The following SYNE2 variants were observed in gnomAD, a reference collection of about 807,000 sequenced individuals.
SYNE2 encodes spectrin repeat containing nuclear envelope protein 2.
In SYNE2, 431 loss-of-function variants were observed where a neutral mutation model predicts 856.3. The ratio of observed to expected loss-of-function variants is 0.50; its 90% CI spans 0.47 to 0.55. The LOEUF is 0.55. Ranked by LOEUF, SYNE2 falls within the 20% of genes least tolerant of loss-of-function variation. SYNE2 has a pLI of 0.00. For missense variants in SYNE2, 8,129 were observed against 8,023.2 expected, an observed-to-expected ratio of 1.01 and a Z score of -0.50; for synonymous variants, 2,923 against 2,872.3, an observed-to-expected ratio of 1.02 and a Z score of -0.56.
chr14:64,223,438 A>C, intron 113 of SYNE2, 58 bp downstream of exon 113: 1 of 1,593,564 alleles, frequency 6.3e-7, no homozygotes, highest in Non-Finnish European at 8.6e-7. Context: ...CAGACAGGAC[A>C]GCAGTGTTGT....
upstream of SYNE2, among the ~76,000 whole-genome samples, chr14:63,851,217 C>T (rs1890424166): frequency 6.6e-6 from 1 of 152,016 alleles, no homozygotes; most frequent in Admixed American, 6.6e-5. Flanking sequence ...AAAAATTAGC[C>T]AGGCATGGTG....
At chr14:63,960,163 A>G (rs2096291912) in intron 8 of SYNE2, among the ~76,000 whole-genome samples, 1 of 152,226 alleles carries the variant, frequency 6.6e-6, no homozygotes, top group South Asian at 2.1e-4. Flanking sequence ...CTTGGTGCTT[A>G]TATCTTTTTC....
chr14:64,167,110 G>A, intron 90 of SYNE2, 123 bp from the exon 91 acceptor site: 3 of 1,220,944 alleles, frequency 2.5e-6, no homozygotes, highest in South Asian at 1.3e-5. Flanking sequence ...CTGTTTGACT[G>A]TGGGCAAGTC....
intron 16 of SYNE2, among the ~76,000 whole-genome samples, chr14:63,982,111 T>C (rs544103655): frequency 4.6e-5 from 7 of 152,268 alleles, no homozygotes; most frequent in African/African-American, 1.4e-4. Flanking sequence ...CACAACAACA[T>C]CCATCTGTTG....
At position 63,927,061 on chromosome 14, in the gene SYNE2, G is replaced by A. The variant is rs546152528; in HGVS notation, c.80-13553G>A. 2.4e-4 allele frequency among the ~76,000 whole-genome samples: 36 copies of A among 152,326 alleles called. 1 individual carries two copies. The East Asian group carries it at 5.8e-3, about 24-fold the overall frequency. ...CCAGGGGTGTAGGAGAGAGTAAGATGCCTGAGGCTAGAGAGGTGCTCTGGG... is the reference window on the plus strand; with the variant it reads ...CCAGGGGTGTAGGAGAGAGTAAGATACCTGAGGCTAGAGAGGTGCTCTGGG... On this transcript the variant is annotated intron_variant, in intron 2 of 115. Coordinates refer to ENST00000555002, the MANE Select transcript of SYNE2 (RefSeq NM_182914.3).
At chr14:64,220,692 G>A in intron 111 of SYNE2, 55 bp downstream of exon 111, 1 of 1,588,886 alleles carries the variant, frequency 6.3e-7, no homozygotes, top group East Asian at 2.2e-5. Flanking sequence ...CCACGTGGTA[G>A]GAGCAGCAGA....
intron 2 of SYNE2, among the ~76,000 whole-genome samples, chr14:63,932,237 C>A (rs996893261): frequency 6.6e-6 from 1 of 151,886 alleles, no homozygotes; most frequent in Non-Finnish European, 1.5e-5. Flanking sequence ...CAAAAATTAG[C>A]TGGGCGTGGT....
At chr14:64,060,726 G>A (rs571876133) in intron 49 of SYNE2, among the ~76,000 whole-genome samples, 3 of 152,238 alleles carry the variant, frequency 2.0e-5, no homozygotes, top group Admixed American at 1.3e-4. Context: ...TTACCTAGGA[G>A]TTGCAGTCTC....
At chr14:64,221,093 C>G (rs1470986928) in intron 111 of SYNE2, among the ~76,000 whole-genome samples, 3 of 152,056 alleles carry the variant, frequency 2.0e-5, no homozygotes, top group Admixed American at 6.5e-5. Flanking sequence ...TAAAAAGGTT[C>G]TTTTTAGGAG....
Position 64,190,809 on chromosome 14 carries a change from T to C in SYNE2, c.18038+572T>C, listed in dbSNP as rs1382780519. Reference sequence around the variant, plus strand: ...CAAAGGACCACAAATCAAAGCTATATTGGCCAGTGCAATCTTATCAGAAAT... The same window carrying C: ...CAAAGGACCACAAATCAAAGCTATACTGGCCAGTGCAATCTTATCAGAAAT... On this transcript the variant is annotated intron_variant, in intron 99 of 115. Transcript: ENST00000555002. 3 of 671,934 alleles carry C rather than the reference T, an allele frequency of 4.5e-6. No homozygotes were observed. The East Asian group carries it at 8.1e-5, about 18-fold the overall frequency. 41.6% of individuals were successfully genotyped at this position (671,934 alleles called of 1,614,324 possible).
intron 1 of SYNE2, among the ~76,000 whole-genome samples, chr14:63,769,479 A>G (rs1016100874): frequency 1.3e-5 from 2 of 152,134 alleles, no homozygotes; most frequent in Non-Finnish European, 2.9e-5. Flanking sequence ...CATCTTGGCT[A>G]ACATGGTGAA....
At chr14:63,768,530 A>T (rs1886774432) in intron 1 of SYNE2, among the ~76,000 whole-genome samples, 1 of 152,232 alleles carries the variant, frequency 6.6e-6, no homozygotes. Flanking sequence ...TCATTAGTTC[A>T]ATAAATAGAT....
chr14:64,137,380 G>C (rs1177437979), intron 78 of SYNE2, among the ~76,000 whole-genome samples: 2 of 152,040 alleles, frequency 1.3e-5, no homozygotes, highest in Non-Finnish European at 2.9e-5. Context: ...CTCCCAAGTA[G>C]CTGGGATTAC....
chr14:63,936,859 C>T (rs2095840038), intron 2 of SYNE2, among the ~76,000 whole-genome samples: 1 of 151,938 alleles, frequency 6.6e-6, no homozygotes, highest in Non-Finnish European at 1.5e-5. Context: ...GTGACTTGGG[C>T]CAGGGTGGTG....
rs1302124162 is a variant in SYNE2, at chr14:64,189,996, ACT to A, written c.17872-72_17872-71del. 112 of 1,519,756 alleles carry A rather than the reference ACT, an allele frequency of 7.4e-5. 1 individual carries two copies. Among genetic ancestry groups the A allele is most frequent in the Middle Eastern group, 7.1e-4 (4 of 5,626 alleles). The allele number at this position is 1,519,756 out of a possible 1,614,324, so 94.1% of individuals were successfully genotyped here. A position where few individuals can be genotyped will look rare whatever the true frequency, so the allele number is the denominator to read the frequency against. Reference sequence around the variant, plus strand: ...TTTTTTTTTTTAATTTCAAGAGGTAACTCTATGTCTGTGGCTGGAGAAGAAAT... The same window carrying A: ...TTTTTTTTTTTAATTTCAAGAGGTAACTATGTCTGTGGCTGGAGAAGAAAT... On this transcript the variant is annotated intron_variant, in intron 98 of 115. Transcript: ENST00000555002.
Position 64,031,384 on chromosome 14 carries a change from G to C in SYNE2, c.7221+27G>C, listed in dbSNP as rs745615373. ...TAAGTGCTTGTGATTGCACTTTCAA[G>C]ACAGTGAGTCTGAGAATGAAGAGGT... On this transcript the variant is annotated intron_variant, in intron 45 of 115. Coordinates refer to ENST00000555002, the MANE Select transcript of SYNE2 (RefSeq NM_182914.3). 1.3e-5 allele frequency: 20 copies of C among 1,595,912 alleles called. No individual in the cohort carries two copies. In the African/African-American group the frequency reaches 1.3e-4, roughly 11 times the overall value.
intron 99 of SYNE2, among the ~76,000 whole-genome samples, chr14:64,201,552 G>T (rs911182175): frequency 4.6e-5 from 7 of 152,178 alleles, no homozygotes; most frequent in African/African-American, 1.7e-4. Flanking sequence ...AGATCAAGGG[G>T]CTGAACCGGT....
In SYNE2 at chr14:63,949,855, A is replaced by T. The variant is rs2153430512; in HGVS notation, c.439A>T (p.Asn147Tyr). The T allele has an allele frequency of 6.2e-7, 1 of 1,614,126 alleles. No homozygotes were observed. The highest frequency in any genetic ancestry group is 1.3e-5 in the African/African-American group (1 of 75,022). The change falls in exon 7 of 116, where the codon AAT (asparagine) becomes TAT (tyrosine). Residue 147 changes from asparagine to tyrosine, a missense_variant. Physicochemically the swap from Asn to Tyr is moderately radical, Grantham distance 143. Coordinates refer to ENST00000555002, the MANE Select transcript of SYNE2 (RefSeq NM_182914.3). ...GAAGCTTGCCCAGACTCTTTCTTGC[A>T]ATTACAATCAGCCTTCCCTGGATGA... ...IEKLAQTLSC[N>Y]YNQPSLDDVS... is the part of the protein sequence containing the mutation.
At chr14:63,804,424 CT>C (rs1234245001) in intron 1 of SYNE2, among the ~76,000 whole-genome samples, 5 of 152,060 alleles carry the variant, frequency 3.3e-5, no homozygotes, top group African/African-American at 7.2e-5. Context: ...GAGTCTTTGT[CT>C]TGAAATCGAC....
Sources: allele counts gnomAD v4.1 joint callset (sites outside exome capture counted in the v4.1 genomes callset), GRCh38; gene constraint gnomAD v4.1.1; transcripts MANE v1.5; gene names NCBI Gene and HGNC (gene_info 2026-07-23, HGNC 2026-07-21).